Variants in EPHA3 observed in about 807,000 individuals in gnomAD.
The protein encoded by EPHA3 is ephrin type-A receptor 3.
In EPHA3, 42 loss-of-function variants were observed where a neutral mutation model predicts 107.1. The observed-to-expected ratio is 0.39, with a 90% CI of 0.31 to 0.51. EPHA3 has a LOEUF of 0.51. EPHA3 is among the 20% of genes least tolerant of loss of function. The pLI is 0.78. For missense variants in EPHA3, 1,183 were observed against 1,211.2 expected, an observed-to-expected ratio of 0.98 and a Z score of 0.35; for synonymous variants, 461 against 424.8, an observed-to-expected ratio of 1.09 and a Z score of -1.05.
At chr3:89,214,109 T>A (rs1576236767) in intron 3 of EPHA3, among the ~76,000 whole-genome samples, 1 of 152,038 alleles carries the variant, frequency 6.6e-6, no homozygotes, top group Non-Finnish European at 1.5e-5. Context: ...GCCAAAAAAA[T>A]TTCTGCACTT....
At chr3:89,359,785 A>G (rs532214555) in intron 5 of EPHA3, among the ~76,000 whole-genome samples, 8 of 145,058 alleles carry the variant, frequency 5.5e-5, no homozygotes, top group Admixed American at 4.3e-4. Context: ...ATATATACAT[A>G]TATATACATA....
At chr3:89,355,834 T>A (rs1364289153) in intron 5 of EPHA3, among the ~76,000 whole-genome samples, 4 of 149,390 alleles carry the variant, frequency 2.7e-5, no homozygotes, top group Non-Finnish European at 4.5e-5. Flanking sequence ...ATATATTTTT[T>A]ATTTTATTAT....
intron 5 of EPHA3, among the ~76,000 whole-genome samples, chr3:89,347,803 T>G (rs1355727249): frequency 2.0e-5 from 3 of 150,900 alleles, no homozygotes; most frequent in Non-Finnish European, 3.0e-5. Flanking sequence ...ATACCTAATT[T>G]ATTGAGAGTT....
intron 1 of EPHA3, among the ~76,000 whole-genome samples, chr3:89,110,633 C>T (rs1045134733): frequency 1.3e-5 from 2 of 151,882 alleles, no homozygotes; most frequent in Non-Finnish European, 2.9e-5. Context: ...CTTATCAGGT[C>T]TCTCTGTTTA....
chr3:89,436,024 C>A (rs935698613), intron 13 of EPHA3, among the ~76,000 whole-genome samples: 1 of 151,354 alleles, frequency 6.6e-6, no homozygotes, highest in African/African-American at 2.4e-5. Context: ...ACCTGTGGTC[C>A]CAACTACTCA....
chr3:89,166,476 GT>G lies in EPHA3; in HGVS notation c.153+39210del, dbSNP rs548783989. Among the ~76,000 whole-genome samples the G allele has an allele frequency of 8.3e-4, 126 of 152,086 alleles. 1 individual carries two copies. The highest frequency in any genetic ancestry group is 2.7e-3 in the African/African-American group (114 of 41,516). ...ATAAAGTCTTTAAATTATAATAATTGTTTTTTTCTGATTTTTTACTCTGATA... is the reference window on the plus strand; with the variant it reads ...ATAAAGTCTTTAAATTATAATAATTGTTTTTTCTGATTTTTTACTCTGATA... On this transcript the variant is annotated intron_variant, in intron 2 of 16. Transcript: ENST00000336596.
intron 2 of EPHA3, among the ~76,000 whole-genome samples, chr3:89,146,400 T>C (rs1333373097): frequency 6.6e-6 from 1 of 151,998 alleles, no homozygotes; most frequent in Non-Finnish European, 1.5e-5. Context: ...CAACTGATGA[T>C]GAGCTTTTAT....
intron 10 of EPHA3, among the ~76,000 whole-genome samples, chr3:89,413,856 C>A (rs1241670018): frequency 6.6e-6 from 1 of 151,268 alleles, no homozygotes; most frequent in Admixed American, 6.6e-5. Flanking sequence ...TTAACAATCA[C>A]CTATTAAGTG....
At chr3:89,143,160 A>G (rs550744845) in intron 2 of EPHA3, among the ~76,000 whole-genome samples, 27 of 150,438 alleles carry the variant, frequency 1.8e-4, no homozygotes, top group African/African-American at 5.3e-4. Flanking sequence ...AGAGTTTGGG[A>G]AAAAAAATTA....
At chr3:89,339,637 A>G (rs1707473312) in intron 3 of EPHA3, among the ~76,000 whole-genome samples, 1 of 152,216 alleles carries the variant, frequency 6.6e-6, no homozygotes, top group Non-Finnish European at 1.5e-5. Context: ...ATAGTCTACC[A>G]TGGATATATT....
At chr3:89,120,905 A>G (rs1468452668) in intron 1 of EPHA3, among the ~76,000 whole-genome samples, 1 of 152,182 alleles carries the variant, frequency 6.6e-6, no homozygotes, top group African/African-American at 2.4e-5. Flanking sequence ...CACCTGACCA[A>G]AGGTTTTTCA....
chr3:89,238,408 T>G (rs1704822264), intron 3 of EPHA3, among the ~76,000 whole-genome samples: 1 of 152,202 alleles, frequency 6.6e-6, no homozygotes, highest in South Asian at 2.1e-4. Flanking sequence ...CATAGAGGTA[T>G]GTGAGCCCAA....
At chr3:89,138,679 G>T (rs1704365745) in intron 2 of EPHA3, among the ~76,000 whole-genome samples, 1 of 151,758 alleles carries the variant, frequency 6.6e-6, no homozygotes, top group Admixed American at 6.6e-5. Context: ...CACTGTAAAA[G>T]TTCCCATTAT....
chr3:89,283,695 C>T (rs1184482440), intron 3 of EPHA3, among the ~76,000 whole-genome samples: 2 of 152,058 alleles, frequency 1.3e-5, no homozygotes, highest in African/African-American at 4.8e-5. Context: ...TATAACTCTT[C>T]AGATACAAAT....
chr3:89,150,426 GA>G (rs1441286866), intron 2 of EPHA3, among the ~76,000 whole-genome samples: 5 of 151,686 alleles, frequency 3.3e-5, no homozygotes, highest in African/African-American at 9.7e-5. Context: ...TTCGTTATTG[GA>G]AAAAAAGATA....
intron 10 of EPHA3, among the ~76,000 whole-genome samples, chr3:89,415,101 G>A (rs1709221047): frequency 6.6e-6 from 1 of 151,402 alleles, no homozygotes; most frequent in Non-Finnish European, 1.5e-5. Context: ...CTGCCTTGAT[G>A]ACCTTTCAGA....
At chr3:89,350,928 CG>C (rs1707798891) in intron 5 of EPHA3, among the ~76,000 whole-genome samples, 1 of 151,358 alleles carries the variant, frequency 6.6e-6, no homozygotes. Flanking sequence ...TTAGGCTGCT[CG>C]GGGGTCAGGG....
chr3:89,180,939 T>A (rs1272808676), intron 2 of EPHA3, among the ~76,000 whole-genome samples: 1 of 151,990 alleles, frequency 6.6e-6, no homozygotes, highest in Non-Finnish European at 1.5e-5. Context: ...TGTCACAGCC[T>A]TTTGGACAAG....
At chr3:89,219,688 G>GTGTTTTTTTTTGTTTTTTT in intron 3 of EPHA3, among the ~76,000 whole-genome samples, 430 of 34,438 alleles carry the variant, frequency 0.012, 160 homozygotes, top group Admixed American at 0.032. Flanking sequence ...ATTTGGCAAT[G>GTGTTTTTTTTTGTTTTTTT]TTTTTTTTTT....
Sources: allele counts gnomAD v4.1 joint callset (sites outside exome capture counted in the v4.1 genomes callset), GRCh38; gene constraint gnomAD v4.1.1; transcripts MANE v1.5; gene names NCBI Gene and HGNC (gene_info 2026-07-23, HGNC 2026-07-21).